The following APOBEC1 variants were observed in gnomAD, a reference collection of about 807,000 sequenced individuals.
The protein encoded by APOBEC1 is apolipoprotein B mRNA editing enzyme catalytic subunit 1.
In APOBEC1, 22 loss-of-function variants were observed where a neutral mutation model predicts 26.3. That is an observed-to-expected ratio of 0.84 (90% CI 0.60 to 1.19). APOBEC1 has a LOEUF of 1.19. APOBEC1 is among the 50% of genes most tolerant of loss of function. The pLI, the probability that APOBEC1 is intolerant of heterozygous loss-of-function variation, is 0.00. For synonymous variants in APOBEC1, 77 were observed against 95.3 expected, an observed-to-expected ratio of 0.81 and a Z score of 1.12; for missense variants, 253 against 289.0, an observed-to-expected ratio of 0.88 and a Z score of 0.90.
chr12:7,663,227 C>A (rs75983536), intron 1 of APOBEC1, among the ~76,000 whole-genome samples: 5,813 of 152,132 alleles, frequency 0.038, 161 homozygotes, highest in Middle Eastern at 0.085. Flanking sequence ...GTGTGTGTAC[C>A]TGTTTGTGTG....
chr12:7,662,840 C>T (rs941519568), intron 1 of APOBEC1, among the ~76,000 whole-genome samples: 10 of 152,074 alleles, frequency 6.6e-5, no homozygotes, highest in Non-Finnish European at 1.3e-4. Context: ...AGCAAGTCAG[C>T]TTGGCTGGGT....
intron 1 of APOBEC1, among the ~76,000 whole-genome samples, chr12:7,658,067 G>GTT (rs1863740828): frequency 1.3e-5 from 2 of 152,038 alleles, no homozygotes; most frequent in South Asian, 4.2e-4. Flanking sequence ...GTTTTGTTTT[G>GTT]TTTTGTTTTG....
At position 7,665,842 on chromosome 12, in the gene APOBEC1, C is replaced by T. The variant is rs750215106; in HGVS notation, c.16+15G>A. 1 of 1,611,348 alleles carries T rather than the reference C, an allele frequency of 6.2e-7. No homozygotes were observed. The highest frequency in any genetic ancestry group is 1.7e-5 in the Admixed American group (1 of 59,718). On this transcript the variant is annotated intron_variant, in intron 1 of 4. Coordinates refer to ENST00000229304, the MANE Select transcript of APOBEC1 (RefSeq NM_001644.5). The stretch of plus-strand genomic sequence containing the variant: ...TTGTTCAAGAATACTTGCCAAGCCC[C>T]CGGATCCATTTTACCTTTCTCAGAA...
upstream of APOBEC1, among the ~76,000 whole-genome samples, chr12:7,669,195 C>CG (rs1762133455): frequency 2.1e-5 from 3 of 141,020 alleles, no homozygotes; most frequent in Non-Finnish European, 4.7e-5. Context: ...TCAGCTTTTC[C>CG]TTTTTTTTTT....
Position 7,649,402 on chromosome 12 carries a change from C to A in APOBEC1, c.*145G>T. 3 of 793,642 alleles carry A rather than the reference C, an allele frequency of 3.8e-6. No homozygotes were observed. The highest frequency in any genetic ancestry group is 5.8e-6 in the Non-Finnish European group (3 of 514,148). 49.2% of individuals were successfully genotyped at this position (793,642 alleles called of 1,614,324 possible). On this transcript the variant is annotated 3_prime_UTR_variant, in exon 5 of 5. Coordinates refer to ENST00000229304, the MANE Select transcript of APOBEC1 (RefSeq NM_001644.5). ...CTAAATTCCTTACCCACAGAAACTG[C>A]CAGAGGTAATACATATTTATTGTTG... is the stretch of plus-strand genomic sequence containing the variant.
chr12:7,654,811 G>A (rs1863691057), intron 1 of APOBEC1, among the ~76,000 whole-genome samples, 179 bp from the exon 2 acceptor site: 1 of 152,132 alleles, frequency 6.6e-6, no homozygotes, highest in Non-Finnish European at 1.5e-5. Context: ...GATTTTTAAG[G>A]ACTCTGCCAA....
chr12:7,666,315 CGG>C (rs1863891627), upstream of APOBEC1, among the ~76,000 whole-genome samples: 1 of 149,422 alleles, frequency 6.7e-6, no homozygotes, highest in Non-Finnish European at 1.5e-5. Context: ...TTCTTTGAGA[CGG>C]AGTTTTGCTC....
upstream of APOBEC1, among the ~76,000 whole-genome samples, chr12:7,669,485 T>A (rs930021699): frequency 6.6e-6 from 1 of 152,194 alleles, no homozygotes; most frequent in African/African-American, 2.4e-5. Flanking sequence ...TGTAAACATG[T>A]CTCTTTTTCT....
chr12:7,665,800 C>CACACAG, intron 1 of APOBEC1, 57 bp downstream of exon 1: 1 of 1,327,438 alleles, frequency 7.5e-7, no homozygotes, highest in South Asian at 1.2e-5. Context: ...CACACACACA[C>CACACAG]ACACACCATT....
At chr12:7,668,024 G>A (rs1051463044), upstream of APOBEC1, among the ~76,000 whole-genome samples, 3 of 151,978 alleles carry the variant, frequency 2.0e-5, no homozygotes, top group Non-Finnish European at 1.5e-5. Flanking sequence ...GGTCTTTGTC[G>A]TTAATTAAAA....
At chr12:7,653,492 T>A (rs1019171689) in intron 2 of APOBEC1, among the ~76,000 whole-genome samples, 5 of 8,856 alleles carry the variant, frequency 5.6e-4, no homozygotes, top group Non-Finnish European at 5.3e-3. Flanking sequence ...TCTAACCCTT[T>A]TTTTTTTTTT....
chr12:7,653,684 C>A (rs994689136), intron 2 of APOBEC1, among the ~76,000 whole-genome samples: 1 of 152,042 alleles, frequency 6.6e-6, no homozygotes, highest in Non-Finnish European at 1.5e-5. Flanking sequence ...CTTATCTTTT[C>A]TATTCCTCAA....
In APOBEC1 at chr12:7,661,205, CAAA is replaced by C. The variant is rs35561148; in HGVS notation, c.16+4649_16+4651del. ...TGGGTGATAGAGCGAGACTCCGTCTCAAAAAAAAAAAAAAAAAAAAGACGGGAA... is the reference window on the plus strand; with the variant it reads ...TGGGTGATAGAGCGAGACTCCGTCTCAAAAAAAAAAAAAAAAAGACGGGAA... On this transcript the variant is annotated intron_variant, in intron 1 of 4. Coordinates refer to ENST00000229304, the MANE Select transcript of APOBEC1 (RefSeq NM_001644.5). 8.9e-3 allele frequency among the ~76,000 whole-genome samples: 792 copies of C among 89,248 alleles called. 1 individual carries two copies. The highest frequency in any genetic ancestry group is 0.02 in the African/African-American group (479 of 24,138). 58.6% of individuals were successfully genotyped at this position (89,248 alleles called of 152,430 possible). A position where few individuals can be genotyped will look rare whatever the true frequency, so the allele number is the denominator to read the frequency against.
At chr12:7,666,707 C>T (rs1040424998), upstream of APOBEC1, among the ~76,000 whole-genome samples, 5 of 152,090 alleles carry the variant, frequency 3.3e-5, no homozygotes, top group Admixed American at 6.6e-5. Context: ...ACACTGTGGC[C>T]TTGGCTTTCA....
intron 1 of APOBEC1, among the ~76,000 whole-genome samples, chr12:7,659,322 A>AAAAAAAAAAT (rs1555094633): frequency 4.3e-5 from 2 of 46,292 alleles, no homozygotes; most frequent in Non-Finnish European, 3.3e-5. Context: ...AAAAAAAAAA[A>AAAAAAAAAAT]ATATATATAT....
intron 1 of APOBEC1, 89 bp from the exon 2 acceptor site, chr12:7,654,721 A>T: frequency 8.3e-7 from 1 of 1,197,608 alleles, no homozygotes; most frequent in Middle Eastern, 2.0e-4. Context: ...AAACCTCCAA[A>T]TCATCTCAGA....
At chr12:7,662,570 G>T (rs186992386) in intron 1 of APOBEC1, among the ~76,000 whole-genome samples, 1 of 152,078 alleles carries the variant, frequency 6.6e-6, no homozygotes. Context: ...GCGACAGAGC[G>T]AGAGAGACTC....
intron 1 of APOBEC1, among the ~76,000 whole-genome samples, chr12:7,657,806 G>A (rs751274467): frequency 6.6e-6 from 1 of 152,086 alleles, no homozygotes; most frequent in Non-Finnish European, 1.5e-5. Context: ...AGCCCAGGAG[G>A]TTGAGGCTGC....
chr12:7,650,630 C>G (rs1029596254), intron 4 of APOBEC1, among the ~76,000 whole-genome samples: 5 of 152,084 alleles, frequency 3.3e-5, no homozygotes, highest in African/African-American at 1.2e-4. Flanking sequence ...GAGGGGGTCT[C>G]ATTATGTTGG....
Sources: gnomAD v4.1 joint callset for allele counts (sites outside exome capture counted in the v4.1 genomes callset) on GRCh38, gnomAD v4.1.1 for gene constraint, MANE v1.5 for transcripts, NCBI Gene and HGNC (gene_info 2026-07-23, HGNC 2026-07-21) for gene names.